The following SORCS2 variants were observed in gnomAD, a reference collection of about 807,000 sequenced individuals.
SORCS2 encodes the protein sortilin related VPS10 domain containing receptor 2, also known as VPS10 domain-containing receptor SorCS2.
Under a neutral mutation model 141.6 loss-of-function variants are expected in SORCS2, and 100 were observed. That is an observed-to-expected ratio of 0.71 (90% CI 0.60 to 0.83). The LOEUF (loss-of-function observed/expected upper bound fraction) is 0.83, where lower values mean the gene tolerates loss of function less well. Among genes scored for constraint, SORCS2 ranks in the 40% least tolerant of loss-of-function variants. The pLI is 0.00. For synonymous variants in SORCS2, 789 were observed against 676.9 expected (o/e 1.17, Z -2.57); for missense variants, 1,646 against 1,560.2 (o/e 1.05, Z -0.93).
intron 1 of SORCS2, among the ~76,000 whole-genome samples, chr4:7,375,158 G>T (rs1722557430): frequency 6.6e-6 from 1 of 152,148 alleles, no homozygotes; most frequent in South Asian, 2.1e-4. Flanking sequence ...CCCTCTCTGG[G>T]TCATCCCCAT....
At chr4:7,546,124 C>T (rs1250589351) in intron 3 of SORCS2, among the ~76,000 whole-genome samples, 1 of 152,160 alleles carries the variant, frequency 6.6e-6, no homozygotes. Context: ...ATTAGGGGTT[C>T]AGCCTGTGAA....
At chr4:7,608,322 A>G (rs1268750163) in intron 3 of SORCS2, among the ~76,000 whole-genome samples, 1 of 152,174 alleles carries the variant, frequency 6.6e-6, no homozygotes, top group Non-Finnish European at 1.5e-5. Context: ...GGATCTCCGG[A>G]CCACGTCACT....
Position 7,714,294 on chromosome 4 carries a change from T to A in SORCS2, c.2044T>A (p.Ser682Thr). 1 of 1,606,378 alleles carries A rather than the reference T, an allele frequency of 6.2e-7. No individual in the cohort carries two copies. Among genetic ancestry groups the A allele is most frequent in the East Asian group, 2.2e-5 (1 of 44,606 alleles). Residue 682 changes from serine (S) to threonine (T), a missense_variant, in exon 16 of 27, where the codon TCC (serine) becomes ACC (threonine). Transcript: ENST00000507866. ...AAGTTTCCGGAAAAGAAAGTCCACG[T>A]CCTGGTGCATCAAGGGGAGGAGCTT... ...QRSFRKRKST[S>T]WCIKGRSFTS...
At chr4:7,504,025 G>T (rs1353373129) in intron 2 of SORCS2, among the ~76,000 whole-genome samples, 1 of 152,194 alleles carries the variant, frequency 6.6e-6, no homozygotes, top group African/African-American at 2.4e-5. Flanking sequence ...TGGAGCAGAG[G>T]AGGAGCTTGT....
intron 1 of SORCS2, among the ~76,000 whole-genome samples, chr4:7,228,033 C>A (rs923541141): frequency 2.0e-5 from 3 of 152,192 alleles, no homozygotes; most frequent in Non-Finnish European, 4.4e-5. Flanking sequence ...CCACAGTGTC[C>A]TTTGCCTGGG....
intron 8 of SORCS2, 21 bp from the exon 9 acceptor site, chr4:7,676,029 G>A (rs1195858761): frequency 6.4e-7 from 1 of 1,563,514 alleles, no homozygotes; most frequent in Non-Finnish European, 8.7e-7. Flanking sequence ...CTGACCCTGT[G>A]CTCCCTGCAC....
At chr4:7,456,359 G>T (rs982541718) in intron 2 of SORCS2, among the ~76,000 whole-genome samples, 4 of 152,202 alleles carry the variant, frequency 2.6e-5, no homozygotes, top group Admixed American at 1.3e-4. Flanking sequence ...TTTCCCTTCT[G>T]CTGAGGGAAA....
intron 1 of SORCS2, among the ~76,000 whole-genome samples, chr4:7,269,736 A>C (rs970535537): frequency 7.9e-5 from 12 of 152,180 alleles, no homozygotes; most frequent in African/African-American, 2.7e-4. Context: ...CCAGCCCCCA[A>C]CACCTTAATC....
intron 1 of SORCS2, among the ~76,000 whole-genome samples, chr4:7,355,420 C>A (rs954368868): frequency 6.6e-6 from 1 of 152,198 alleles, no homozygotes; most frequent in Non-Finnish European, 1.5e-5. Flanking sequence ...AAAATCCCCC[C>A]AAAGTTAATG....
intron 3 of SORCS2, among the ~76,000 whole-genome samples, chr4:7,575,219 A>G (rs1346139101): frequency 2.0e-5 from 3 of 152,196 alleles, no homozygotes; most frequent in Non-Finnish European, 4.4e-5. Context: ...AGTTCCACAG[A>G]AATATACGAG....
intron 4 of SORCS2, 123 bp from the exon 5 acceptor site, chr4:7,654,011 T>C: frequency 1.1e-6 from 1 of 922,390 alleles, no homozygotes; most frequent in Non-Finnish European, 1.7e-6. Context: ...CGCCTCCGCG[T>C]GTCCGCTGGA....
rs571227610 is a variant in SORCS2 at position 7,627,082 on chromosome 4, C to T, written c.649-11246C>T. On this transcript the variant is annotated intron_variant, in intron 3 of 26. Transcript: ENST00000507866. ...CTCACTGCAACCTCTGCCTCCCAGG[C>T]TCAAGAGATCCTCCTGCCTCAGCTT... 6.6e-5 allele frequency among the ~76,000 whole-genome samples: 10 copies of T among 152,224 alleles called. No homozygotes were observed. The East Asian group carries it at 1.7e-3, about 26-fold the overall frequency.
intron 1 of SORCS2, among the ~76,000 whole-genome samples, chr4:7,389,919 C>T (rs954914013): frequency 4.0e-5 from 6 of 151,866 alleles, no homozygotes; most frequent in Admixed American, 6.5e-5. Flanking sequence ...AGCAGGGGTG[C>T]GGGCCTCCCT....
At chr4:7,228,200 T>C (rs1305496813) in intron 1 of SORCS2, among the ~76,000 whole-genome samples, 1 of 152,186 alleles carries the variant, frequency 6.6e-6, no homozygotes, top group African/African-American at 2.4e-5. Flanking sequence ...CCCGGCATCC[T>C]CGTATGTGCC....
intron 1 of SORCS2, among the ~76,000 whole-genome samples, chr4:7,214,158 G>C (rs1443147692): frequency 1.3e-5 from 2 of 152,134 alleles, no homozygotes; most frequent in African/African-American, 4.8e-5. Flanking sequence ...TGGTGGGTGG[G>C]GAGGCTGCTG....
intron 2 of SORCS2, among the ~76,000 whole-genome samples, chr4:7,418,267 G>C (rs1725823587): frequency 6.6e-6 from 1 of 152,304 alleles, no homozygotes; most frequent in Middle Eastern, 3.4e-3. Flanking sequence ...ACAAGTCACT[G>C]GGTGATGCCC....
At chr4:7,456,725 T>A (rs542116545) in intron 2 of SORCS2, among the ~76,000 whole-genome samples, 11 of 152,258 alleles carry the variant, frequency 7.2e-5, no homozygotes, top group Admixed American at 1.3e-4. Flanking sequence ...TGCTGCTCAG[T>A]GGCTTTGAGC....
intron 4 of SORCS2, among the ~76,000 whole-genome samples, chr4:7,641,185 T>C (rs1329842556): frequency 6.6e-6 from 1 of 152,146 alleles, no homozygotes; most frequent in Non-Finnish European, 1.5e-5. Context: ...TAGCCCATTG[T>C]CACACTGCTA....
chr4:7,422,879 G>A (rs1438559005), intron 2 of SORCS2, among the ~76,000 whole-genome samples: 3 of 152,150 alleles, frequency 2.0e-5, no homozygotes, highest in East Asian at 1.9e-4. Flanking sequence ...CAGCACACCC[G>A]GAGGTCCATG....
Sources: gnomAD v4.1 joint callset for allele counts (sites outside exome capture counted in the v4.1 genomes callset) on GRCh38, gnomAD v4.1.1 for gene constraint, MANE v1.5 for transcripts, NCBI Gene and HGNC (gene_info 2026-07-23, HGNC 2026-07-21) for gene names.